Variants in NCAPD3 observed in about 807,000 individuals in gnomAD.
The protein encoded by NCAPD3 is condensin-2 complex subunit D3.
NCAPD3 carries 105 observed loss-of-function variants against 182.9 expected under a neutral mutation model. The observed-to-expected ratio is 0.57, with a 90% CI of 0.49 to 0.68. The LOEUF is 0.68. NCAPD3 is among the 30% of genes least tolerant of loss of function. The pLI, the probability that NCAPD3 is intolerant of heterozygous loss-of-function variation, is 0.00. For missense variants in NCAPD3, 1,944 were observed against 1,837.0 expected (o/e 1.06, Z -1.07); for synonymous variants, 815 against 679.9 (o/e 1.20, Z -3.09).
rs754111971 is a variant in NCAPD3 at position 134,208,967 on chromosome 11, G to A, written c.795-16C>T. On this transcript the variant is annotated splice_polypyrimidine_tract_variant and intron_variant, in intron 6 of 34. Coordinates refer to ENST00000534548, the MANE Select transcript of NCAPD3 (RefSeq NM_015261.3). Reference sequence around the variant, plus strand: ...GTTAAGAGCTCTAAAAAAAAAAGACGAAATATTAGTTAATGGATATGATTT... The same window carrying A: ...GTTAAGAGCTCTAAAAAAAAAAGACAAAATATTAGTTAATGGATATGATTT... 22 of 1,538,154 alleles carry A rather than the reference G, an allele frequency of 1.4e-5. No homozygotes were observed. Among genetic ancestry groups the A allele is most frequent in the South Asian group, 5.8e-5 (5 of 85,556 alleles).
chr11:134,170,552 G>A (rs960351118), intron 24 of NCAPD3, among the ~76,000 whole-genome samples: 3 of 152,232 alleles, frequency 2.0e-5, no homozygotes, highest in African/African-American at 4.8e-5. Flanking sequence ...CAGAAATGAA[G>A]TCACATATAC....
chr11:134,221,722 A>G (rs1417097871), intron 1 of NCAPD3, among the ~76,000 whole-genome samples: 1 of 152,238 alleles, frequency 6.6e-6, no homozygotes, highest in Admixed American at 6.5e-5. Flanking sequence ...ATAAATAAGG[A>G]AAAAACAGAG....
At chr11:134,164,213 A>C (rs924230517) in intron 27 of NCAPD3, among the ~76,000 whole-genome samples, 1 of 152,178 alleles carries the variant, frequency 6.6e-6, no homozygotes, top group Non-Finnish European at 1.5e-5. Context: ...CAAATTCTAC[A>C]CTTCCTGCCA....
chr11:134,157,415 A>G (rs1943453691), intron 31 of NCAPD3, among the ~76,000 whole-genome samples: 1 of 152,222 alleles, frequency 6.6e-6, no homozygotes. Flanking sequence ...CATACATACA[A>G]GGCTATATGT....
At chr11:134,160,191 CT>C (rs1438093399) in intron 28 of NCAPD3, 117 bp from the exon 29 acceptor site, 6 of 1,005,804 alleles carry the variant, frequency 6.0e-6, no homozygotes, top group East Asian at 2.5e-5. Context: ...ACGTGTACCC[CT>C]GAACGCAAAA....
chr11:134,203,941 T>G, intron 10 of NCAPD3, 35 bp from the exon 11 acceptor site: 2 of 1,608,540 alleles, frequency 1.2e-6, no homozygotes, highest in South Asian at 2.2e-5. Context: ...TGCCATCAGA[T>G]AGGAGTAAGA....
chr11:134,157,328 T>C (rs555231010), intron 31 of NCAPD3, among the ~76,000 whole-genome samples: 3 of 152,338 alleles, frequency 2.0e-5, no homozygotes, highest in East Asian at 1.9e-4. Context: ...GCATAAGTGA[T>C]AGAGGACAGT....
chr11:134,177,009 G>A (rs548348851), intron 23 of NCAPD3, among the ~76,000 whole-genome samples: 1 of 152,334 alleles, frequency 6.6e-6, no homozygotes, highest in African/African-American at 2.4e-5. Context: ...TTGACAGGAT[G>A]TCTGAACAAA....
intron 24 of NCAPD3, among the ~76,000 whole-genome samples, chr11:134,174,249 G>A (rs528293631): frequency 1.3e-5 from 2 of 151,658 alleles, no homozygotes; most frequent in East Asian, 1.9e-4. Context: ...CGAGTATGGT[G>A]GCATGCACCT....
chr11:134,203,256 T>G, intron 11 of NCAPD3, 58 bp from the exon 12 acceptor site: 1 of 1,226,702 alleles, frequency 8.2e-7, no homozygotes, highest in East Asian at 2.3e-5. Flanking sequence ...TGAGTAATTA[T>G]CCACGGAGGA....
At chr11:134,163,871 C>CAAAAA (rs60340458) in intron 27 of NCAPD3, among the ~76,000 whole-genome samples, 23 of 70,782 alleles carry the variant, frequency 3.2e-4, no homozygotes, top group South Asian at 1.3e-3. Context: ...GATTCTGTCT[C>CAAAAA]AAAAAAAAAA....
intron 3 of NCAPD3, among the ~76,000 whole-genome samples, chr11:134,216,586 C>G (rs541803028): frequency 6.6e-6 from 1 of 152,246 alleles, no homozygotes; most frequent in African/African-American, 2.4e-5. Flanking sequence ...CAATGACTCC[C>G]CACAGCAGTA....
At chr11:134,169,350 C>T (rs1321067996) in intron 24 of NCAPD3, among the ~76,000 whole-genome samples, 1 of 152,158 alleles carries the variant, frequency 6.6e-6, no homozygotes, top group African/African-American at 2.4e-5. Context: ...GGAAAGTAAT[C>T]GACCAACTGA....
intron 20 of NCAPD3, 110 bp from the exon 21 acceptor site, chr11:134,179,046 A>G: frequency 2.8e-6 from 2 of 724,564 alleles, no homozygotes; most frequent in Non-Finnish European, 4.6e-6. Flanking sequence ...AATTTAAAAC[A>G]ATGTTACTAG....
intron 16 of NCAPD3, among the ~76,000 whole-genome samples, chr11:134,192,232 C>G (rs1188165434): frequency 6.6e-6 from 1 of 152,210 alleles, no homozygotes; most frequent in Non-Finnish European, 1.5e-5. Context: ...TAACTCCTAA[C>G]TACAATATTC....
At chr11:134,203,008 T>C in intron 12 of NCAPD3, 103 bp from the exon 13 acceptor site, 1 of 1,201,792 alleles carries the variant, frequency 8.3e-7, no homozygotes. Flanking sequence ...ATTACTGAAA[T>C]GAATTTCAAC....
chr11:134,222,715 T>C (rs1476068554), intron 1 of NCAPD3, among the ~76,000 whole-genome samples: 1 of 152,222 alleles, frequency 6.6e-6, no homozygotes, highest in East Asian at 1.9e-4. Context: ...GATTCTTCAA[T>C]TGGACCTGAA....
chr11:134,186,254 T>A (rs1305539523), intron 16 of NCAPD3: 3 of 152,180 alleles, frequency 2.0e-5, no homozygotes, highest in South Asian at 2.1e-4. Context: ...TGGATCACAG[T>A]AGTATGATCA....
chr11:134,168,700 G>C, intron 25 of NCAPD3, 98 bp from the exon 26 acceptor site: 1 of 1,521,758 alleles, frequency 6.6e-7, no homozygotes. Context: ...GCATGCCAAA[G>C]ACTCCAGTGC....
Sources: gnomAD v4.1 joint callset for allele counts (sites outside exome capture counted in the v4.1 genomes callset) on GRCh38, gnomAD v4.1.1 for gene constraint, MANE v1.5 for transcripts, NCBI Gene and HGNC (gene_info 2026-07-23, HGNC 2026-07-21) for gene names.